XKR6: variants seen among roughly 807,000 people sequenced by gnomAD.
The protein encoded by XKR6 is XK-related protein 6.
Under a neutral mutation model 56.7 loss-of-function variants are expected in XKR6, and 22 were observed. The observed-to-expected ratio is 0.39, with a 90% CI of 0.28 to 0.55. The LOEUF (loss-of-function observed/expected upper bound fraction) is 0.55. Ranked by LOEUF, XKR6 falls within the 20% of genes least tolerant of loss-of-function variation. The probability of loss-of-function intolerance (pLI) is 0.66; values close to 1 mark genes in which losing one functional copy is unlikely to be tolerated. For synonymous variants in XKR6, 524 were observed against 387.8 expected (o/e 1.35, Z -4.13); for missense variants, 852 against 889.0 (o/e 0.96, Z 0.53).
At chr8:10,973,884 C>T (rs1488263478) in intron 1 of XKR6, among the ~76,000 whole-genome samples, 1 of 152,220 alleles carries the variant, frequency 6.6e-6, no homozygotes, top group Non-Finnish European at 1.5e-5. Context: ...CACACCTGTC[C>T]ACTATTGCTA....
At chr8:11,089,761 A>C (rs1798004795) in intron 1 of XKR6, among the ~76,000 whole-genome samples, 1 of 152,252 alleles carries the variant, frequency 6.6e-6, no homozygotes, top group Non-Finnish European at 1.5e-5. Context: ...ACTTTCAAGA[A>C]ATAAATTACT....
intron 1 of XKR6, among the ~76,000 whole-genome samples, chr8:10,941,935 C>T (rs908356913): frequency 6.6e-6 from 1 of 152,208 alleles, no homozygotes; most frequent in Non-Finnish European, 1.5e-5. Context: ...GCACTCCGAC[C>T]CCTTTGTGGC....
At chr8:11,018,141 CCTCT>C (rs1340393644) in intron 1 of XKR6, among the ~76,000 whole-genome samples, 1 of 152,152 alleles carries the variant, frequency 6.6e-6, no homozygotes, top group Non-Finnish European at 1.5e-5. Context: ...GCAGCCCCTC[CCTCT>C]GTCTGACCTG....
intron 1 of XKR6, among the ~76,000 whole-genome samples, chr8:11,022,689 G>A (rs1287922645): frequency 6.6e-6 from 1 of 152,150 alleles, no homozygotes; most frequent in Non-Finnish European, 1.5e-5. Flanking sequence ...AAACACTGAG[G>A]CCCAGAGAGG....
chr8:10,903,672 C>G (rs969239298), intron 2 of XKR6, among the ~76,000 whole-genome samples: 15 of 152,102 alleles, frequency 9.9e-5, no homozygotes, highest in African/African-American at 3.6e-4. Flanking sequence ...AATTAGGACA[C>G]AGGTACACAC....
chr8:11,123,532 A>G (rs1207784523), intron 1 of XKR6: 1 of 254,278 alleles, frequency 3.9e-6, no homozygotes, highest in Non-Finnish European at 7.8e-6. Flanking sequence ...CAAAGCTTCT[A>G]TGACAATATC....
intron 1 of XKR6, among the ~76,000 whole-genome samples, chr8:11,193,040 T>C (rs1803667275): frequency 6.6e-6 from 1 of 152,232 alleles, no homozygotes; most frequent in Non-Finnish European, 1.5e-5. Flanking sequence ...ATGAATGTTT[T>C]AGCTCACCTA....
intron 1 of XKR6, among the ~76,000 whole-genome samples, chr8:11,030,381 A>G (rs1433180634): frequency 1.3e-5 from 2 of 152,182 alleles, no homozygotes; most frequent in East Asian, 1.9e-4. Flanking sequence ...CCATCAAACA[A>G]CAGGCCTCTC....
intron 1 of XKR6, among the ~76,000 whole-genome samples, chr8:10,987,667 T>C (rs1457850536): frequency 1.3e-5 from 2 of 152,310 alleles, no homozygotes; most frequent in East Asian, 3.9e-4. Context: ...CTGTCTCTTC[T>C]CTGCTCAAAG....
At chr8:11,071,828 A>G (rs1029225161) in intron 1 of XKR6, among the ~76,000 whole-genome samples, 6 of 151,818 alleles carry the variant, frequency 4.0e-5, no homozygotes, top group Non-Finnish European at 8.8e-5. Context: ...CCACTGGGCA[A>G]TAACCCAAGT....
chr8:11,149,404 G>T (rs572792842), intron 1 of XKR6, among the ~76,000 whole-genome samples: 1 of 152,064 alleles, frequency 6.6e-6, no homozygotes, highest in African/African-American at 2.4e-5. Context: ...TGCAACCACC[G>T]TCGTATATGT....
chr8:11,071,492 AGT>A (rs1800115543), intron 1 of XKR6, among the ~76,000 whole-genome samples: 1 of 136,592 alleles, frequency 7.3e-6, no homozygotes, highest in Non-Finnish European at 1.6e-5. Flanking sequence ...ATGAGCCCCG[AGT>A]CCATGAGCCC....
intron 1 of XKR6, among the ~76,000 whole-genome samples, chr8:11,174,766 G>C (rs559870771): frequency 2.6e-5 from 4 of 151,978 alleles, no homozygotes; most frequent in African/African-American, 9.7e-5. Flanking sequence ...CTGGAGTCTC[G>C]GGAGCACATA....
chr8:11,200,561 C>T lies in XKR6; in HGVS notation c.764+15G>A, dbSNP rs552813645. ...TCCTCAGGGCCGGCCCGCCCCCACC[C>T]CGCAGTGCTCTTACCTCCACACCTG... On this transcript the variant is annotated intron_variant, in intron 1 of 2. Coordinates refer to ENST00000416569, the MANE Select transcript of XKR6 (RefSeq NM_173683.4). The surrounding 1 kb of genome is among the most constrained non-coding windows in gnomAD (Gnocchi z 6.4). 7.2e-5 allele frequency: 104 copies of T among 1,454,486 alleles called. No individual in the cohort carries two copies. In the East Asian group the frequency reaches 2.5e-3, roughly 35 times the overall value. 90.1% of individuals were successfully genotyped at this position (1,454,486 alleles called of 1,614,324 possible).
At chr8:11,181,190 T>C (rs150466930) in intron 1 of XKR6, among the ~76,000 whole-genome samples, 48 of 152,354 alleles carry the variant, frequency 3.2e-4, no homozygotes, top group African/African-American at 1.1e-3. Context: ...AGGGTTGTTG[T>C]ATAAACAATT....
chr8:11,031,124 GCTACT>G (rs1312139639), intron 1 of XKR6, among the ~76,000 whole-genome samples: 1 of 152,204 alleles, frequency 6.6e-6, no homozygotes, highest in African/African-American at 2.4e-5. Flanking sequence ...TTCACTGGCT[GCTACT>G]GATTGAACCA....
intron 1 of XKR6, among the ~76,000 whole-genome samples, chr8:10,960,614 G>A (rs563586385): frequency 6.6e-6 from 1 of 152,162 alleles, no homozygotes; most frequent in Non-Finnish European, 1.5e-5. Context: ...AGCCACAGGG[G>A]CATCATTCTC....
chr8:11,091,730 G>A (rs986256276), intron 1 of XKR6, among the ~76,000 whole-genome samples: 5 of 152,102 alleles, frequency 3.3e-5, no homozygotes, highest in South Asian at 2.1e-4. Flanking sequence ...CCCTGCAGCC[G>A]TGGGGCCGGG....
chr8:11,134,000 A>ACTTGCACTTCCC (rs1800252395), intron 1 of XKR6, among the ~76,000 whole-genome samples: 1 of 152,126 alleles, frequency 6.6e-6, no homozygotes, highest in Non-Finnish European at 1.5e-5. Flanking sequence ...TCCTGCAATT[A>ACTTGCACTTCCC]CTTGCACTTC....
Sources: allele counts gnomAD v4.1 joint callset (sites outside exome capture counted in the v4.1 genomes callset), GRCh38; gene constraint gnomAD v4.1.1; non-coding constraint Gnocchi (gnomAD v3.1); transcripts MANE v1.5; gene names NCBI Gene and HGNC (gene_info 2026-07-23, HGNC 2026-07-21).